Variants in PLK4 observed in about 807,000 individuals in gnomAD.
PLK4 encodes the protein serine/threonine-protein kinase PLK4.
PLK4 carries 51 observed loss-of-function variants against 103.0 expected under a neutral mutation model. The observed-to-expected ratio is 0.50, with a 90% CI of 0.40 to 0.63. PLK4 has a LOEUF of 0.63. PLK4 is among the 20% of genes least tolerant of loss of function. The probability of loss-of-function intolerance (pLI) is 0.00; values close to 1 mark genes in which losing one functional copy is unlikely to be tolerated. For synonymous variants in PLK4, 389 were observed against 376.8 expected (o/e 1.03, Z -0.38); for missense variants, 1,054 against 1,151.0 (o/e 0.92, Z 1.22).
intron 7 of PLK4, among the ~76,000 whole-genome samples, chr4:127,890,736 T>G (rs1366123174): frequency 6.6e-6 from 1 of 152,198 alleles, no homozygotes; most frequent in East Asian, 1.9e-4. Context: ...GGTGTGTGTT[T>G]TTTTAATTCT....
At position 127,892,437 on chromosome 4, in the gene PLK4, C is replaced by T. The variant is rs911447974; in HGVS notation, c.2111C>T (p.Thr704Ile). The T allele has an allele frequency of 6.3e-7, 1 of 1,588,718 alleles. No homozygotes were observed. The highest frequency in any genetic ancestry group is 1.4e-5 in the African/African-American group (1 of 72,878). ...GTAAGATCTAAATCTCCCAAAATCA[C>T]TTATTTTACAAGATATGCTAAATGC... ...QLVRSKSPKI[T>I]YFTRYAKCIL... The change falls in exon 10 of 16, where the codon ACT becomes ATT. Residue 704 changes from threonine (T) to isoleucine (I), a missense_variant. By Grantham distance (89) the Thr-to-Ile change is moderately conservative. This residue lies in a region of PLK4 where 680 missense variants were observed against 660.3 expected (regional missense o/e 1.03). Coordinates refer to ENST00000270861, the MANE Select transcript of PLK4 (RefSeq NM_014264.5).
intron 5 of PLK4, 50 bp downstream of exon 5, chr4:127,886,778 A>G (rs1302704140): frequency 1.8e-6 from 2 of 1,122,214 alleles, no homozygotes; most frequent in Non-Finnish European, 2.5e-6. Flanking sequence ...ACATTATACT[A>G]GTATAAATAT....
chr4:127,894,268 C>T (rs1055894735), intron 13 of PLK4, among the ~76,000 whole-genome samples: 11 of 152,008 alleles, frequency 7.2e-5, no homozygotes, highest in African/African-American at 2.4e-4. Flanking sequence ...ACGGAGTCAC[C>T]CAGGCTGGAG....
intron 8 of PLK4, among the ~76,000 whole-genome samples, 168 bp downstream of exon 8, chr4:127,891,364 A>C (rs1402085892): frequency 1.3e-5 from 2 of 151,936 alleles, no homozygotes; most frequent in African/African-American, 4.8e-5. Context: ...TATTTAAATA[A>C]ATTGGTGCAG....
chr4:127,892,601 T>C (rs1281166127), intron 10 of PLK4, 87 bp downstream of exon 10: 1 of 1,039,642 alleles, frequency 9.6e-7, no homozygotes, highest in African/African-American at 1.6e-5. Context: ...TTCAACACAG[T>C]CAGTTTTAAA....
rs1182960018 is a variant in PLK4, at chr4:127,889,970, A to G, written c.1564A>G (p.Thr522Ala). The change falls in exon 7 of 16, where the codon ACA becomes GCA. Residue 522 changes from threonine (T) to alanine (A), a missense_variant. Around this residue, in one of 4 missense-constraint regions of PLK4, gnomAD observed 680 missense variants for 660.3 expected, o/e 1.03. Coordinates refer to ENST00000270861, the MANE Select transcript of PLK4 (RefSeq NM_014264.5). ...CACATCAAAAAATGCCTGGACTGAT[A>G]CAAAAGTCAAAAAGAACTCTGATGC... Reference protein sequence around the residue: ...KDTSKNAWTDTKVKKNSDASD... With the variant: ...KDTSKNAWTDAKVKKNSDASD... 1.9e-6 allele frequency: 3 copies of G among 1,613,970 alleles called. No homozygotes were observed. Among genetic ancestry groups the G allele is most frequent in the African/African-American group, 2.7e-5 (2 of 74,940 alleles).
At chr4:127,881,375 G>C in intron 1 of PLK4, 1 of 1,430,686 alleles carries the variant, frequency 7.0e-7, no homozygotes, top group Non-Finnish European at 9.1e-7. Context: ...GGACAGGTGA[G>C]TCCCTCCCCG....
At position 127,886,247 on chromosome 4, in the gene PLK4, G is replaced by T; in HGVS notation, c.877G>T (p.Ala293Ser). 1 of 1,614,072 alleles carries T rather than the reference G, an allele frequency of 6.2e-7. No homozygotes were observed. The highest frequency in any genetic ancestry group is 8.5e-7 in the Non-Finnish European group (1 of 1,179,936). ...IDSGHATIST[A>S]ITASSSTSIS... ...TAGTGGGCATGCCACAATTTCTACT[G>T]CAATTACAGCTTCTTCCAGTACCAG... Residue 293 changes from alanine to serine, a missense_variant, in exon 5 of 16, where the codon GCA becomes TCA. Coordinates refer to ENST00000270861, the MANE Select transcript of PLK4 (RefSeq NM_014264.5).
chr4:127,888,917 C>A (rs1735246644), intron 6 of PLK4, among the ~76,000 whole-genome samples: 2 of 151,870 alleles, frequency 1.3e-5, no homozygotes, highest in Admixed American at 6.6e-5. Context: ...GGAAATTAAT[C>A]TTTTTATTTA....
intron 15 of PLK4, among the ~76,000 whole-genome samples, chr4:127,897,780 T>C (rs1318661498): frequency 6.7e-6 from 1 of 148,910 alleles, no homozygotes; most frequent in Non-Finnish European, 1.5e-5. Context: ...AATAGAAATA[T>C]ATTCATAATG....
chr4:127,888,790 A>T (rs935442421), intron 6 of PLK4, among the ~76,000 whole-genome samples: 1 of 152,170 alleles, frequency 6.6e-6, no homozygotes, highest in South Asian at 2.1e-4. Context: ...TTTACTAAGT[A>T]TCGTATTACC....
Position 127,891,192 on chromosome 4 carries a change from A to G in PLK4, c.1931A>G (p.Asn644Ser). Residue 644 changes from asparagine (N) to serine (S), a missense_variant, in exon 8 of 16, where the codon AAT becomes AGT. Asn to Ser is a conservative substitution (Grantham distance 46). Around this residue, in one of 4 missense-constraint regions of PLK4, gnomAD observed 680 missense variants for 660.3 expected, o/e 1.03. Transcript: ENST00000270861. ...GTTCTTCAGATATCTAGTGATGGAA[A>G]TACGGTAATGTGTAGTTACTTTATT... ...KEVLQISSDG[N>S]TITIYYPNGG... 6.9e-7 allele frequency: 1 copy of G among 1,457,564 alleles called. No homozygotes were observed. Among genetic ancestry groups the G allele is most frequent in the Non-Finnish European group, 9.6e-7 (1 of 1,044,640 alleles). The allele number at this position is 1,457,564 out of a possible 1,614,324, so 90.3% of individuals were successfully genotyped here.
At chr4:127,888,349 T>C (rs902854406) in intron 6 of PLK4, among the ~76,000 whole-genome samples, 5 of 152,132 alleles carry the variant, frequency 3.3e-5, no homozygotes, top group African/African-American at 7.2e-5. Context: ...TATCTCCGTC[T>C]TACAGATGAG....
intron 13 of PLK4, 82 bp downstream of exon 13, chr4:127,893,963 C>T: frequency 1.3e-6 from 1 of 783,406 alleles, no homozygotes; most frequent in Non-Finnish European, 2.2e-6. Context: ...TTTATTGTGG[C>T]TTTACTATCA....
chr4:127,898,364 T>C, intron 15 of PLK4, 75 bp from the exon 16 acceptor site: 2 of 711,282 alleles, frequency 2.8e-6, no homozygotes, highest in East Asian at 2.6e-5. Flanking sequence ...AAAAATATAA[T>C]GTGCTTTTTG....
chr4:127,897,824 C>CTTTTGTTTTTTTTT (rs1735626971), intron 15 of PLK4, among the ~76,000 whole-genome samples: 4 of 28,804 alleles, frequency 1.4e-4, no homozygotes, highest in Admixed American at 3.7e-4. Context: ...AGAATTAGGG[C>CTTTTGTTTTTTTTT]TTTTTTTTTT....
chr4:127,898,730 G>C lies in PLK4; in HGVS notation c.*189G>C, dbSNP rs1735670581. 3 of 484,168 alleles carry C rather than the reference G, an allele frequency of 6.2e-6. No homozygotes were observed. In the South Asian group the frequency reaches 1.1e-4, roughly 17 times the overall value. 30.0% of individuals were successfully genotyped at this position (484,168 alleles called of 1,614,324 possible). A position where few individuals can be genotyped will look rare whatever the true frequency, so the allele number is the denominator to read the frequency against. On this transcript the variant is annotated 3_prime_UTR_variant, in exon 16 of 16. Transcript: ENST00000270861. ...AAACTTGAGTCACTTACTAAATATAGTGGATATAAAATAGAACACCTGACT... is the reference window on the plus strand; with the variant it reads ...AAACTTGAGTCACTTACTAAATATACTGGATATAAAATAGAACACCTGACT...
chr4:127,896,403 G>A (rs17012750), intron 14 of PLK4, among the ~76,000 whole-genome samples: 4,552 of 152,154 alleles, frequency 0.03, 296 homozygotes, highest in East Asian at 0.26. Context: ...GTGGCTTAAG[G>A]ACAAAGAAAA....
chr4:127,882,079 C>T (rs1355468429), intron 2 of PLK4, among the ~76,000 whole-genome samples, 153 bp downstream of exon 2: 3 of 152,104 alleles, frequency 2.0e-5, no homozygotes, highest in African/African-American at 7.2e-5. Flanking sequence ...CAAGTCCAGC[C>T]GTTGAACTTA....
Sources: gnomAD v4.1 joint callset for allele counts (sites outside exome capture counted in the v4.1 genomes callset) on GRCh38, gnomAD v4.1.1 for gene constraint, gnomAD v4.1.1 regional missense constraint, MANE v1.5 for transcripts, NCBI Gene and HGNC (gene_info 2026-07-23, HGNC 2026-07-21) for gene names.